TMEM114: variants seen among roughly 807,000 people sequenced by gnomAD.
TMEM114 encodes claudin-26.
In TMEM114, 6 loss-of-function variants were observed where a neutral mutation model predicts 6.2. That is an observed-to-expected ratio of 0.97 (90% CI 0.53 to 1.91). TMEM114 has a LOEUF of 1.91. Among genes scored for constraint, TMEM114 ranks in the 40% most tolerant of loss-of-function variants. TMEM114 has a pLI of 0.01. For synonymous variants in TMEM114, 104 were observed against 73.0 expected (o/e 1.42, Z -2.16); for missense variants, 218 against 158.3 (o/e 1.38, Z -2.02).
In TMEM114 at chr16:8,558,139, G is replaced by A. The variant is rs373344875; in HGVS notation, n.213-20313C>T. Among the ~76,000 whole-genome samples, 13 of 152,278 alleles carry A rather than the reference G, an allele frequency of 8.5e-5. No homozygotes were observed. In the East Asian group the frequency reaches 1.9e-3, roughly 23 times the overall value. On this transcript the variant is annotated intron_variant and non_coding_transcript_variant, in intron 2 of 2. Coordinates refer to the TMEM114 transcript ENST00000623677. Reference sequence around the variant, plus strand: ...TGTGTGGTGCATGCTTGTAATCCCAGCTACTAGGGAGGCTGAGGCAGGAGA... The same window carrying A: ...TGTGTGGTGCATGCTTGTAATCCCAACTACTAGGGAGGCTGAGGCAGGAGA...
intron 2 of TMEM114, among the ~76,000 whole-genome samples, chr16:8,544,606 C>T (rs549650581): frequency 3.3e-5 from 5 of 152,272 alleles, no homozygotes; most frequent in Admixed American, 6.5e-5. Context: ...TAGGAACAGA[C>T]GTTGCTGATA....
intron 2 of TMEM114, among the ~76,000 whole-genome samples, chr16:8,574,550 C>CTTCTTTCTTTCT (rs771760042): frequency 1.7e-4 from 25 of 146,904 alleles, no homozygotes; most frequent in African/African-American, 5.7e-4. Flanking sequence ...GTGGTCTTTC[C>CTTCTTTCTTTCT]TTCTTTCTTT....
At chr16:8,552,508 G>GTA (rs33923749) in intron 2 of TMEM114, among the ~76,000 whole-genome samples, 44,662 of 146,500 alleles carry the variant, frequency 0.3, 6,689 homozygotes, top group South Asian at 0.38. Context: ...GCACAAAACT[G>GTA]CACACACACA....
chr16:8,550,923 T>G (rs554624455), intron 2 of TMEM114, among the ~76,000 whole-genome samples: 11 of 152,204 alleles, frequency 7.2e-5, no homozygotes, highest in African/African-American at 2.6e-4. Flanking sequence ...GAGCAAAACA[T>G]TCCTGGGCAC....
At chr16:8,545,309 G>T (rs903996714) in intron 2 of TMEM114, among the ~76,000 whole-genome samples, 3 of 152,164 alleles carry the variant, frequency 2.0e-5, no homozygotes, top group African/African-American at 4.8e-5. Flanking sequence ...AGTGGCACAT[G>T]CCTGCAGTCC....
At chr16:8,531,511 A>G in the TMEM114 span, among the ~76,000 whole-genome samples, 1 of 152,220 alleles carries the variant, frequency 6.6e-6, no homozygotes, top group African/African-American at 2.4e-5. Flanking sequence ...AGGAGTGGGC[A>G]CTGAAGGATT....
chr16:8,563,396 A>G (rs1415035249), intron 2 of TMEM114, among the ~76,000 whole-genome samples: 1 of 148,666 alleles, frequency 6.7e-6, no homozygotes, highest in Non-Finnish European at 1.5e-5. Flanking sequence ...TGAGTGAATG[A>G]GTAAACGAGT....
chr16:8,557,775 C>G (rs1901062643), intron 2 of TMEM114, among the ~76,000 whole-genome samples: 1 of 152,160 alleles, frequency 6.6e-6, no homozygotes, highest in African/African-American at 2.4e-5. Context: ...CGTGGGAAGA[C>G]TGAAGAAGAT....
intron 2 of TMEM114, among the ~76,000 whole-genome samples, chr16:8,562,336 G>A (rs903817860): frequency 9.3e-5 from 14 of 149,968 alleles, no homozygotes; most frequent in South Asian, 2.1e-4. Flanking sequence ...GAGGGAATGA[G>A]TGAATGAGTG....
downstream of TMEM114, among the ~76,000 whole-genome samples, chr16:8,534,787 C>T (rs1040262156): frequency 5.9e-5 from 9 of 152,194 alleles, no homozygotes; most frequent in Non-Finnish European, 1.3e-4. Flanking sequence ...GAGTTATCAT[C>T]GCTATGGTTG....
chr16:8,565,708 A>G (rs111892074), downstream of TMEM114, among the ~76,000 whole-genome samples: 1 of 152,136 alleles, frequency 6.6e-6, no homozygotes, highest in Non-Finnish European at 1.5e-5. Context: ...GTCCGTTCAC[A>G]CAACAGACCT....
At chr16:8,581,275 T>C (rs751355353) in intron 2 of TMEM114, among the ~76,000 whole-genome samples, 2 of 152,190 alleles carry the variant, frequency 1.3e-5, no homozygotes, top group Non-Finnish European at 2.9e-5. Context: ...TTAACACTAA[T>C]ATGCATTAGT....
intron 2 of TMEM114, chr16:8,537,848 C>T (rs775883595): frequency 6.6e-6 from 1 of 152,026 alleles, no homozygotes; most frequent in Admixed American, 6.6e-5. Context: ...AACAAGAAAG[C>T]TTATTGTGTA....
At chr16:8,580,213 G>A (rs148377516) in intron 2 of TMEM114, among the ~76,000 whole-genome samples, 62 of 152,132 alleles carry the variant, frequency 4.1e-4, no homozygotes, top group African/African-American at 1.3e-3. Flanking sequence ...AACAAGGCCC[G>A]GCACGATGCA....
chr16:8,549,781 T>A (rs1349231079), intron 2 of TMEM114, among the ~76,000 whole-genome samples: 2 of 152,132 alleles, frequency 1.3e-5, no homozygotes, highest in Middle Eastern at 3.2e-3. Context: ...CTTCTACCTG[T>A]ATTAGTCAGG....
the TMEM114 span, among the ~76,000 whole-genome samples, chr16:8,529,609 G>C: frequency 1.8e-4 from 27 of 151,936 alleles, no homozygotes; most frequent in Non-Finnish European, 3.7e-4. Flanking sequence ...GAGGCACCCA[G>C]GAACCTACAT....
chr16:8,564,044 AGT>A (rs1378499712), intron 2 of TMEM114, among the ~76,000 whole-genome samples: 3 of 151,284 alleles, frequency 2.0e-5, no homozygotes, highest in African/African-American at 7.4e-5. Context: ...TGACTGAATG[AGT>A]GAGTGAATGA....
intron 2 of TMEM114, among the ~76,000 whole-genome samples, chr16:8,562,383 AGGG>A: frequency 6.6e-6 from 1 of 151,518 alleles, no homozygotes; most frequent in Non-Finnish European, 1.5e-5. Context: ...TGAGTGAGTG[AGGG>A]AATGAGTGAG....
chr16:8,583,569 AC>A (rs1345151309), intron 2 of TMEM114, among the ~76,000 whole-genome samples: 1 of 151,752 alleles, frequency 6.6e-6, no homozygotes, highest in African/African-American at 2.4e-5. Flanking sequence ...GAATAGTAAG[AC>A]CCCCATCTCT....
Sources: allele counts gnomAD v4.1 joint callset (sites outside exome capture counted in the v4.1 genomes callset), GRCh38; gene constraint gnomAD v4.1.1; transcripts MANE v1.5; gene names NCBI Gene and HGNC (gene_info 2026-07-23, HGNC 2026-07-21).